Variants in ATP10B observed in about 807,000 individuals in gnomAD.
ATP10B encodes phospholipid-transporting ATPase VB.
Under a neutral mutation model 141.2 loss-of-function variants are expected in ATP10B, and 122 were observed. The observed-to-expected ratio is 0.86, with a 90% CI of 0.75 to 1.00. The LOEUF (loss-of-function observed/expected upper bound fraction) is 1.00, where lower values mean the gene tolerates loss of function less well. Ranked by LOEUF, ATP10B falls within the 50% of genes least tolerant of loss-of-function variation. ATP10B has a pLI of 0.00. For missense variants in ATP10B, 1,876 were observed against 1,825.3 expected, an observed-to-expected ratio of 1.03 and a Z score of -0.51; for synonymous variants, 685 against 692.0, an observed-to-expected ratio of 0.99 and a Z score of 0.16.
At chr5:160,606,481 T>G (rs1458456806) in intron 19 of ATP10B, among the ~76,000 whole-genome samples, 1 of 152,218 alleles carries the variant, frequency 6.6e-6, no homozygotes, top group Non-Finnish European at 1.5e-5. Context: ...CAACATTTCT[T>G]GAGCTATCTG....
At chr5:160,716,626 G>A (rs950817189) in intron 3 of ATP10B, among the ~76,000 whole-genome samples, 4 of 152,154 alleles carry the variant, frequency 2.6e-5, no homozygotes, top group Non-Finnish European at 5.9e-5. Flanking sequence ...CTAGGGTTAG[G>A]TTCAGCCACA....
the ATP10B span, among the ~76,000 whole-genome samples, chr5:160,927,395 G>A: frequency 1.3e-5 from 2 of 152,154 alleles, no homozygotes; most frequent in Non-Finnish European, 2.9e-5. Context: ...CGCTTTTGAA[G>A]ACTGGTCAGC....
At chr5:160,639,168 C>T (rs1315148217) in intron 10 of ATP10B, 2 of 152,372 alleles carry the variant, frequency 1.3e-5, no homozygotes, top group African/African-American at 4.8e-5. Context: ...ACACTTGGCT[C>T]TGCCATCCTC....
intron 2 of ATP10B, among the ~76,000 whole-genome samples, chr5:160,746,395 CCTTTT>C (rs984890438): frequency 6.4e-5 from 9 of 139,594 alleles, no homozygotes; most frequent in African/African-American, 2.2e-4. Flanking sequence ...TTCTTTCTTT[CCTTTT>C]TTTTTTTTTG....
intron 2 of ATP10B, among the ~76,000 whole-genome samples, chr5:160,781,025 C>T (rs998669100): frequency 2.0e-5 from 3 of 152,102 alleles, no homozygotes; most frequent in Non-Finnish European, 2.9e-5. Flanking sequence ...GAAATGTGTT[C>T]TTTGCCCAGT....
intron 2 of ATP10B, among the ~76,000 whole-genome samples, chr5:160,738,053 C>T (rs1359266762): frequency 1.3e-5 from 2 of 151,946 alleles, no homozygotes; most frequent in Non-Finnish European, 2.9e-5. Context: ...ACAAAAAAAT[C>T]AATAAATCTA....
intron 6 of ATP10B, among the ~76,000 whole-genome samples, chr5:160,680,978 GAA>G (rs1484386265): frequency 6.6e-6 from 1 of 152,194 alleles, no homozygotes; most frequent in African/African-American, 2.4e-5. Context: ...TGCCATGAGA[GAA>G]GTCTCCCTGA....
upstream of ATP10B, among the ~76,000 whole-genome samples, chr5:160,856,026 A>T (rs576841111): frequency 5.3e-5 from 8 of 150,864 alleles, no homozygotes; most frequent in South Asian, 1.7e-3. Flanking sequence ...CTTCCACTTT[A>T]TTTTTTTTCA....
intron 2 of ATP10B, among the ~76,000 whole-genome samples, chr5:160,754,781 C>T (rs1768401030): frequency 6.6e-6 from 1 of 152,188 alleles, no homozygotes; most frequent in Admixed American, 6.5e-5. Flanking sequence ...AGAAGGCACT[C>T]ATGTGGCCAC....
chr5:160,802,803 TCA>T (rs1772472504), intron 1 of ATP10B, among the ~76,000 whole-genome samples: 1 of 152,202 alleles, frequency 6.6e-6, no homozygotes, highest in Admixed American at 6.5e-5. Flanking sequence ...ATTCAAAGTA[TCA>T]GAGTGTGTGT....
At chr5:160,811,672 G>C (rs372229911) in intron 1 of ATP10B, among the ~76,000 whole-genome samples, 1 of 152,160 alleles carries the variant, frequency 6.6e-6, no homozygotes, top group East Asian at 1.9e-4. Flanking sequence ...CAGCTCAGCT[G>C]CAATACAGCA....
At chr5:160,899,160 A>G in the ATP10B span, among the ~76,000 whole-genome samples, 1 of 152,096 alleles carries the variant, frequency 6.6e-6, no homozygotes, top group Non-Finnish European at 1.5e-5. Context: ...AGACAATATA[A>G]AAGCATTTCC....
intron 2 of ATP10B, among the ~76,000 whole-genome samples, chr5:160,763,607 G>C (rs1282658353): frequency 6.6e-6 from 1 of 152,066 alleles, no homozygotes; most frequent in Non-Finnish European, 1.5e-5. Context: ...ACTTCAAAAA[G>C]TCTGAAAGAG....
intron 1 of ATP10B, among the ~76,000 whole-genome samples, chr5:160,835,380 G>C (rs1355423999): frequency 6.6e-6 from 1 of 152,110 alleles, no homozygotes; most frequent in Non-Finnish European, 1.5e-5. Context: ...CATCTACAGG[G>C]GAGAGGGGAG....
chr5:160,716,565 A>G (rs1231517259), intron 3 of ATP10B, among the ~76,000 whole-genome samples: 2 of 152,230 alleles, frequency 1.3e-5, no homozygotes, highest in Non-Finnish European at 2.9e-5. Flanking sequence ...CAAAATGTAA[A>G]GTTGAGCAAA....
At chr5:160,823,431 A>G (rs7734649) in intron 1 of ATP10B, among the ~76,000 whole-genome samples, 18,003 of 152,130 alleles carry the variant, frequency 0.12, 1,239 homozygotes, top group East Asian at 0.18. Context: ...AATAGCTTAT[A>G]CATGCTAGAC....
intron 2 of ATP10B, among the ~76,000 whole-genome samples, chr5:160,718,931 G>C (rs1765817352): frequency 6.6e-6 from 1 of 152,172 alleles, no homozygotes; most frequent in African/African-American, 2.4e-5. Flanking sequence ...ATCCGCCACT[G>C]TCCCGGCACA....
At chr5:160,901,728 T>A in the ATP10B span, among the ~76,000 whole-genome samples, 89 of 152,206 alleles carry the variant, frequency 5.8e-4, no homozygotes, top group Non-Finnish European at 1.1e-3. Context: ...TGGTAGGTAT[T>A]CATTGAATAT....
chr5:160,778,961 G>T (rs1020030139), intron 2 of ATP10B, among the ~76,000 whole-genome samples: 1 of 152,128 alleles, frequency 6.6e-6, no homozygotes, highest in Non-Finnish European at 1.5e-5. Context: ...ATAGTAGTAG[G>T]CGTCTTAAGA....
Sources: gnomAD v4.1 joint callset for allele counts (sites outside exome capture counted in the v4.1 genomes callset) on GRCh38, gnomAD v4.1.1 for gene constraint, MANE v1.5 for transcripts, NCBI Gene and HGNC (gene_info 2026-07-23, HGNC 2026-07-21) for gene names.